RAB40B: variants seen among roughly 807,000 people sequenced by gnomAD.
The protein encoded by RAB40B is RAB40B, member RAS oncogene family.
In RAB40B, 21 loss-of-function variants were observed where a neutral mutation model predicts 24.0. The observed-to-expected ratio is 0.88, with a 90% confidence interval of 0.62 to 1.26. RAB40B has a LOEUF of 1.26. RAB40B is among the 50% of genes most tolerant of loss of function. The pLI is 0.00. For missense variants in RAB40B, 348 were observed against 390.5 expected, an observed-to-expected ratio of 0.89 and a Z score of 0.92; for synonymous variants, 167 against 169.8, an observed-to-expected ratio of 0.98 and a Z score of 0.13.
intron 1 of RAB40B, among the ~76,000 whole-genome samples, chr17:82,670,178 CTTTTTTTTT>C (rs71168131): frequency 2.5e-5 from 2 of 81,272 alleles, no homozygotes; most frequent in Non-Finnish European, 4.6e-5. Flanking sequence ...GGCCAACAAT[CTTTTTTTTT>C]TTTTTTTTTT....
rs895187775 is a variant in RAB40B, at chr17:82,663,509, G to A, written c.203+987C>T. 6.6e-6 allele frequency among the ~76,000 whole-genome samples: 1 copy of A among 152,146 alleles called. No homozygotes were observed. Among genetic ancestry groups the A allele is most frequent in the Non-Finnish European group, 1.5e-5 (1 of 68,004 alleles). ...GCGGGTGGAGGGAGAGGTGTTCCAA[G>A]CTGGCCCCAAGGTGGGGGTGCTGGG... is the stretch of plus-strand genomic sequence containing the variant. On this transcript the variant is annotated intron_variant, in intron 2 of 5. Transcript: ENST00000571995. This position sits in a 1 kb window ranked among gnomAD's most constrained non-coding sequence, Gnocchi z 6.2.
At chr17:82,661,464 CAGTGTGCCCCTA>C (rs1305583026) in intron 2 of RAB40B, among the ~76,000 whole-genome samples, 1 of 152,164 alleles carries the variant, frequency 6.6e-6, no homozygotes, top group Non-Finnish European at 1.5e-5. Context: ...TCAGCCCTTC[CAGTGTGCCCCTA>C]AGAGGGGAGG....
At chr17:82,658,387 G>T in intron 5 of RAB40B, 104 bp downstream of exon 5, 1 of 1,315,948 alleles carries the variant, frequency 7.6e-7, no homozygotes, top group Non-Finnish European at 1.1e-6. Context: ...GGACACAGTG[G>T]CCTTGAGACG....
At chr17:82,674,296 G>A (rs1392808393) in intron 1 of RAB40B, among the ~76,000 whole-genome samples, 5 of 150,488 alleles carry the variant, frequency 3.3e-5, no homozygotes, top group East Asian at 2.0e-4. Flanking sequence ...CCAAGATCGC[G>A]CCATTGCACT....
intron 1 of RAB40B, among the ~76,000 whole-genome samples, chr17:82,668,866 G>A (rs551245807): frequency 4.7e-4 from 71 of 152,338 alleles, no homozygotes; most frequent in African/African-American, 1.7e-3. Context: ...CGCTGCAGCC[G>A]GCATCTTGGC....
intron 1 of RAB40B, among the ~76,000 whole-genome samples, chr17:82,669,338 G>C (rs1355125209): frequency 2.0e-5 from 3 of 152,164 alleles, no homozygotes; most frequent in Non-Finnish European, 4.4e-5. Context: ...AGCCGGGCGT[G>C]GTGGCGGGTG....
chr17:82,689,614 T>C (rs1237228670), intron 1 of RAB40B, among the ~76,000 whole-genome samples: 2 of 152,196 alleles, frequency 1.3e-5, no homozygotes, highest in Non-Finnish European at 2.9e-5. Context: ...TTCAAATGCA[T>C]AGAGACATTT....
intron 2 of RAB40B, chr17:82,661,973 TG>T (rs2046179867): frequency 1.0e-6 from 1 of 984,784 alleles, no homozygotes; most frequent in Admixed American, 6.2e-5. Flanking sequence ...GAGGCGGCCC[TG>T]GGACAGCCAG....
At chr17:82,664,677 G>A (rs1051439180) in intron 1 of RAB40B, 121 bp from the exon 2 acceptor site, 30 of 933,638 alleles carry the variant, frequency 3.2e-5, no homozygotes, top group African/African-American at 1.2e-4. Flanking sequence ...CAAGGCAGGC[G>A]GATGGGACCC....
intron 4 of RAB40B, 78 bp downstream of exon 4, chr17:82,659,502 A>G: frequency 6.9e-7 from 1 of 1,449,496 alleles, no homozygotes; most frequent in South Asian, 1.2e-5. Context: ...TGAGCCCTGG[A>G]GGGCCCGGCC....
chr17:82,668,415 G>A (rs1294836506), intron 1 of RAB40B: 1 of 154,168 alleles, frequency 6.5e-6, no homozygotes, highest in East Asian at 1.9e-4. Flanking sequence ...CTTCCACCCA[G>A]AAGTCTGTCT....
chr17:82,670,611 T>C, intron 1 of RAB40B, among the ~76,000 whole-genome samples: 1 of 151,616 alleles, frequency 6.6e-6, no homozygotes, highest in Non-Finnish European at 1.5e-5. Context: ...CTCAGCTCAT[T>C]GTAACCTCCG....
intron 1 of RAB40B, chr17:82,696,605 A>G (rs540994053): frequency 3.9e-3 from 576 of 149,290 alleles, no homozygotes; most frequent in Admixed American, 7.9e-3. Flanking sequence ...CAGGCGCTCA[A>G]TCTCCAGCCC....
chr17:82,661,486 G>T (rs1201948105), intron 2 of RAB40B, among the ~76,000 whole-genome samples: 1 of 152,158 alleles, frequency 6.6e-6, no homozygotes, highest in East Asian at 1.9e-4. Flanking sequence ...AAGAGGGGAG[G>T]GATACAGGGA....
At chr17:82,668,757 A>ACGCC (rs2046292666) in intron 1 of RAB40B, among the ~76,000 whole-genome samples, 1 of 151,898 alleles carries the variant, frequency 6.6e-6, no homozygotes, top group Admixed American at 6.6e-5. Flanking sequence ...GAGCACAGAG[A>ACGCC]CGCCCGCGTC....
chr17:82,679,209 C>T (rs1469793658), intron 1 of RAB40B, among the ~76,000 whole-genome samples: 7 of 151,708 alleles, frequency 4.6e-5, no homozygotes, highest in Admixed American at 2.0e-4. Flanking sequence ...GAGCAGCTCG[C>T]GCCCACCAGC....
chr17:82,676,119 G>T (rs563862146), intron 1 of RAB40B, among the ~76,000 whole-genome samples: 4 of 152,136 alleles, frequency 2.6e-5, no homozygotes, highest in Non-Finnish European at 5.9e-5. Context: ...GGAACCGACC[G>T]CCTCGTGGGA....
chr17:82,678,282 C>A (rs2046414603), intron 1 of RAB40B, among the ~76,000 whole-genome samples: 1 of 152,176 alleles, frequency 6.6e-6, no homozygotes, highest in Admixed American at 6.5e-5. Context: ...AAGCTCACTG[C>A]ACTTAGCTGA....
At chr17:82,670,314 A>G (rs2046317997) in intron 1 of RAB40B, among the ~76,000 whole-genome samples, 1 of 150,156 alleles carries the variant, frequency 6.7e-6, no homozygotes, top group Non-Finnish European at 1.5e-5. Flanking sequence ...CGTCCCGTGT[A>G]GCTGGAATTA....
Sources: allele counts gnomAD v4.1 joint callset (sites outside exome capture counted in the v4.1 genomes callset), GRCh38; gene constraint gnomAD v4.1.1; non-coding constraint Gnocchi (gnomAD v3.1); transcripts MANE v1.5; gene names NCBI Gene and HGNC (gene_info 2026-07-23, HGNC 2026-07-21).